Variants in FBXL7 observed in about 807,000 individuals in gnomAD.
FBXL7 encodes the protein F-box and leucine rich repeat protein 7.
FBXL7 carries 12 observed loss-of-function variants against 38.3 expected under a neutral mutation model. The observed-to-expected ratio is 0.31, with a 90% CI of 0.20 to 0.51. The LOEUF (loss-of-function observed/expected upper bound fraction) is 0.51. FBXL7 is among the 20% of genes least tolerant of loss of function. The pLI, the probability that FBXL7 is intolerant of heterozygous loss-of-function variation, is 0.98. For synonymous variants in FBXL7, 297 were observed against 300.9 expected, an observed-to-expected ratio of 0.99 and a Z score of 0.13; for missense variants, 567 against 676.4, an observed-to-expected ratio of 0.84 and a Z score of 1.79.
At chr5:15,916,486 T>G (rs1486082410) in intron 2 of FBXL7, among the ~76,000 whole-genome samples, 1 of 151,988 alleles carries the variant, frequency 6.6e-6, no homozygotes, top group Non-Finnish European at 1.5e-5. Flanking sequence ...CAGAGATGAG[T>G]TAAGAGTGCA....
intron 2 of FBXL7, among the ~76,000 whole-genome samples, chr5:15,866,954 TG>T (rs1739743673): frequency 6.6e-6 from 1 of 152,148 alleles, no homozygotes. Flanking sequence ...AACCAACTTT[TG>T]TCCCTGTCTA....
At position 15,937,556 on chromosome 5, in the gene FBXL7, C is replaced by T. The variant is rs1742234694; in HGVS notation, c.*370C>T. On this transcript the variant is annotated 3_prime_UTR_variant, in exon 4 of 4. Coordinates refer to ENST00000504595, the MANE Select transcript of FBXL7 (RefSeq NM_012304.5). The stretch of plus-strand genomic sequence containing the variant: ...CCCCCACAGTTCCACGCCCCCCCCC[C>T]AAGGCCACACCCTCCCTCCCTAGAG... 4.9e-6 allele frequency: 1 copy of T among 205,312 alleles called. No individual in the cohort carries two copies. The highest frequency in any genetic ancestry group is 9.9e-6 in the Non-Finnish European group (1 of 101,444). The allele number at this position is 205,312 out of a possible 1,614,324, so 12.7% of individuals were successfully genotyped here. A position where few individuals can be genotyped will look rare whatever the true frequency, so the allele number is the denominator to read the frequency against.
chr5:15,756,728 C>T (rs1736307698), intron 2 of FBXL7, among the ~76,000 whole-genome samples: 1 of 152,096 alleles, frequency 6.6e-6, no homozygotes, highest in Admixed American at 6.6e-5. Flanking sequence ...AGCCAACAGC[C>T]ACTTGTAAAA....
chr5:15,796,141 G>A (rs1257648818), intron 2 of FBXL7, among the ~76,000 whole-genome samples: 1 of 152,118 alleles, frequency 6.6e-6, no homozygotes, highest in East Asian at 1.9e-4. Context: ...AACCAACAAT[G>A]CCTTGTTAGC....
intron 2 of FBXL7, among the ~76,000 whole-genome samples, chr5:15,694,126 G>T (rs79377809): frequency 0.014 from 2,101 of 152,244 alleles, 48 homozygotes; most frequent in African/African-American, 0.048. Context: ...TGGGGTCGGA[G>T]CCCGTACTCC....
intron 2 of FBXL7, among the ~76,000 whole-genome samples, chr5:15,878,352 T>G (rs980474233): frequency 6.6e-6 from 1 of 152,168 alleles, no homozygotes; most frequent in Non-Finnish European, 1.5e-5. Flanking sequence ...AGTGATGCCC[T>G]ACAAATAATG....
At chr5:15,711,315 A>G (rs1201782990) in intron 2 of FBXL7, among the ~76,000 whole-genome samples, 2 of 152,154 alleles carry the variant, frequency 1.3e-5, no homozygotes, top group African/African-American at 2.4e-5. Flanking sequence ...GGCCTCCATG[A>G]TTGCGTGGCA....
intron 2 of FBXL7, among the ~76,000 whole-genome samples, chr5:15,651,100 CTT>C (rs1430797556): frequency 3.1e-5 from 4 of 128,304 alleles, no homozygotes; most frequent in Admixed American, 7.9e-5. Flanking sequence ...TTTTTTTTTT[CTT>C]TTTTTTTTTT....
intron 2 of FBXL7, among the ~76,000 whole-genome samples, chr5:15,855,093 C>G (rs1739216771): frequency 6.6e-6 from 1 of 152,096 alleles, no homozygotes; most frequent in South Asian, 2.1e-4. Context: ...AAACACTTAG[C>G]TTGAAAGTTT....
chr5:15,557,743 A>T (rs142400284), intron 1 of FBXL7, among the ~76,000 whole-genome samples: 1 of 152,148 alleles, frequency 6.6e-6, no homozygotes, highest in Non-Finnish European at 1.5e-5. Context: ...TGTTGGATCA[A>T]TGGAAACCCA....
At chr5:15,596,968 A>G (rs1297583447) in intron 1 of FBXL7, among the ~76,000 whole-genome samples, 1 of 152,130 alleles carries the variant, frequency 6.6e-6, no homozygotes, top group Non-Finnish European at 1.5e-5. Context: ...AGTTCTGTGA[A>G]TTATCCTAGT....
intron 2 of FBXL7, among the ~76,000 whole-genome samples, chr5:15,633,924 G>C (rs146516553): frequency 1.7e-3 from 252 of 151,920 alleles, no homozygotes; most frequent in African/African-American, 5.9e-3. Flanking sequence ...GGGATTACAG[G>C]TGCCTGCCAC....
chr5:15,675,308 T>G (rs1317100906), intron 2 of FBXL7, among the ~76,000 whole-genome samples: 1 of 152,232 alleles, frequency 6.6e-6, no homozygotes, highest in Non-Finnish European at 1.5e-5. Context: ...ATGCAAGGTT[T>G]TGTCCTGAAT....
At chr5:15,525,716 C>T (rs372020932) in intron 1 of FBXL7, among the ~76,000 whole-genome samples, 2 of 152,054 alleles carry the variant, frequency 1.3e-5, no homozygotes, top group African/African-American at 2.4e-5. Context: ...AGGCGATATT[C>T]TTATATTTAA....
intron 2 of FBXL7, among the ~76,000 whole-genome samples, chr5:15,784,124 T>C (rs1737073198): frequency 6.6e-6 from 1 of 152,100 alleles, no homozygotes; most frequent in African/African-American, 2.4e-5. Flanking sequence ...TTACCATTGC[T>C]TTGGTCAAGA....
intron 2 of FBXL7, among the ~76,000 whole-genome samples, chr5:15,703,526 T>C (rs1743591309): frequency 1.3e-5 from 2 of 152,232 alleles, no homozygotes; most frequent in Non-Finnish European, 2.9e-5. Context: ...TGCTTCACTT[T>C]TTGTGCATGC....
In FBXL7 at chr5:15,854,086, C is replaced by A. The variant is rs2126798164; in HGVS notation, c.128-73804C>A. 1.3e-5 allele frequency among the ~76,000 whole-genome samples: 2 copies of A among 152,250 alleles called. 1 individual carries two copies. The highest frequency in any genetic ancestry group is 4.2e-4 in the South Asian group (2 of 4,818). ...GGGAGTTTCCTTACTCTGATTTCAT[C>A]TTTCTGTCTTTAGAGAGAAATGGTT... is the stretch of plus-strand genomic sequence containing the variant. On this transcript the variant is annotated intron_variant, in intron 2 of 3. Coordinates refer to ENST00000504595, the MANE Select transcript of FBXL7 (RefSeq NM_012304.5).
intron 2 of FBXL7, among the ~76,000 whole-genome samples, chr5:15,680,173 G>C (rs909219129): frequency 6.6e-6 from 1 of 152,090 alleles, no homozygotes; most frequent in African/African-American, 2.4e-5. Flanking sequence ...GTGTTTTCAT[G>C]TACATTGAAA....
intron 2 of FBXL7, among the ~76,000 whole-genome samples, chr5:15,664,349 C>G (rs1376679091): frequency 6.6e-6 from 1 of 151,738 alleles, no homozygotes; most frequent in Admixed American, 6.6e-5. Context: ...CCTAGACATA[C>G]AATTGTCTTT....
Sources: gnomAD v4.1 joint callset for allele counts (sites outside exome capture counted in the v4.1 genomes callset) on GRCh38, gnomAD v4.1.1 for gene constraint, MANE v1.5 for transcripts, NCBI Gene and HGNC (gene_info 2026-07-23, HGNC 2026-07-21) for gene names.